Variants in SYNPR observed in about 807,000 individuals in gnomAD.
SYNPR encodes synaptoporin.
Under a neutral mutation model 32.9 loss-of-function variants are expected in SYNPR, and 23 were observed. The ratio of observed to expected loss-of-function variants is 0.70; its 90% CI spans 0.50 to 0.99. SYNPR has a LOEUF of 0.99. SYNPR is among the 50% of genes least tolerant of loss of function. SYNPR has a pLI of 0.00. For synonymous variants in SYNPR, 146 were observed against 135.9 expected, an observed-to-expected ratio of 1.07 and a Z score of -0.52; for missense variants, 318 against 349.3, an observed-to-expected ratio of 0.91 and a Z score of 0.71.
chr3:63,433,103 G>A (rs1169301935), intron 2 of SYNPR, among the ~76,000 whole-genome samples: 1 of 152,180 alleles, frequency 6.6e-6, no homozygotes, highest in African/African-American at 2.4e-5. Flanking sequence ...AGTATTGCGT[G>A]TTATAACAGA....
chr3:63,576,879 G>C (rs1702991502), intron 4 of SYNPR, among the ~76,000 whole-genome samples: 1 of 151,958 alleles, frequency 6.6e-6, no homozygotes, highest in African/African-American at 2.4e-5. Flanking sequence ...TAAACATGTT[G>C]ACCAGGACAA....
chr3:63,509,531 C>T (rs746060056), intron 3 of SYNPR, among the ~76,000 whole-genome samples: 2 of 151,794 alleles, frequency 1.3e-5, no homozygotes, highest in South Asian at 2.1e-4. Context: ...AGATATACAG[C>T]GTACACACAT....
intron 4 of SYNPR, among the ~76,000 whole-genome samples, chr3:63,571,535 C>T (rs1011059220): frequency 5.9e-5 from 9 of 151,918 alleles, no homozygotes; most frequent in African/African-American, 2.2e-4. Flanking sequence ...TAACAGCCAA[C>T]CTTTTAAAGA....
chr3:63,311,848 A>G (rs773241204), intron 2 of SYNPR, among the ~76,000 whole-genome samples: 9 of 151,990 alleles, frequency 5.9e-5, no homozygotes, highest in Non-Finnish European at 1.3e-4. Context: ...TAAATTTAAT[A>G]CCCTATTGAA....
the SYNPR span, among the ~76,000 whole-genome samples, chr3:63,219,377 C>T: frequency 6.6e-6 from 1 of 152,178 alleles, no homozygotes; most frequent in African/African-American, 2.4e-5. Context: ...CAGCTGTCAT[C>T]AGGTTATGCT....
At chr3:63,540,131 T>G (rs1702272995) in intron 3 of SYNPR, among the ~76,000 whole-genome samples, 1 of 152,188 alleles carries the variant, frequency 6.6e-6, no homozygotes, top group Non-Finnish European at 1.5e-5. Flanking sequence ...ACTTATTATG[T>G]GCCAGGCATG....
chr3:63,588,375 T>C (rs1467799204), intron 4 of SYNPR, among the ~76,000 whole-genome samples: 1 of 152,090 alleles, frequency 6.6e-6, no homozygotes. Context: ...TTCCTCCAGA[T>C]GTTTCATCTA....
At chr3:63,334,392 G>T (rs1387455846) in intron 2 of SYNPR, among the ~76,000 whole-genome samples, 2 of 152,174 alleles carry the variant, frequency 1.3e-5, no homozygotes, top group African/African-American at 2.4e-5. Context: ...GGTGAAGGTT[G>T]CTTGCCTTGG....
chr3:63,445,661 C>CTTTTTA (rs1349802508), intron 2 of SYNPR: 1 of 577,918 alleles, frequency 1.7e-6, no homozygotes, highest in Non-Finnish European at 3.1e-6. Context: ...TCTATGAGGG[C>CTTTTTA]CATAACATTA....
At chr3:63,559,793 C>T (rs1195818416) in intron 4 of SYNPR, among the ~76,000 whole-genome samples, 1 of 151,864 alleles carries the variant, frequency 6.6e-6, no homozygotes, top group Non-Finnish European at 1.5e-5. Flanking sequence ...GGCTTATCCC[C>T]ACCATGATGT....
At chr3:63,472,692 A>G (rs867607777) in intron 2 of SYNPR, among the ~76,000 whole-genome samples, 14 of 152,154 alleles carry the variant, frequency 9.2e-5, no homozygotes, top group Middle Eastern at 3.2e-3. Flanking sequence ...TGTCTGGGGA[A>G]GTAAGACACT....
chr3:63,528,634 T>G (rs77091959), intron 3 of SYNPR, among the ~76,000 whole-genome samples: 6 of 74,720 alleles, frequency 8.0e-5, no homozygotes, highest in Non-Finnish European at 1.7e-4. Flanking sequence ...AGAAGATGCA[T>G]TTTTTTTTTA....
At chr3:63,485,473 G>A (rs527282170) in intron 3 of SYNPR, among the ~76,000 whole-genome samples, 14 of 152,126 alleles carry the variant, frequency 9.2e-5, no homozygotes, top group Non-Finnish European at 1.9e-4. Context: ...AAAAGCCATC[G>A]AATATAGTTA....
intron 3 of SYNPR, among the ~76,000 whole-genome samples, chr3:63,530,228 G>A (rs1702086688): frequency 6.6e-6 from 1 of 152,120 alleles, no homozygotes; most frequent in African/African-American, 2.4e-5. Context: ...ATTTTTCACT[G>A]GGCCCAGCAA....
chr3:63,615,541 G>C lies in SYNPR; in HGVS notation c.*60G>C. 1 of 1,563,062 alleles carries C rather than the reference G, an allele frequency of 6.4e-7. No individual in the cohort carries two copies. Among genetic ancestry groups the C allele is most frequent in the African/African-American group, 1.4e-5 (1 of 73,080 alleles). ...ACCATCTTCCATTTCAGTGGCAGAA[G>C]AATTTTTTAAGGGTTTCAATCAATT... On this transcript the variant is annotated 3_prime_UTR_variant, in exon 6 of 6. Coordinates refer to ENST00000478300, the MANE Select transcript of SYNPR (RefSeq NM_001130003.2).
chr3:63,465,530 A>T (rs1162455490), intron 2 of SYNPR, among the ~76,000 whole-genome samples: 2 of 152,254 alleles, frequency 1.3e-5, no homozygotes, highest in Admixed American at 6.5e-5. Flanking sequence ...TCTTAATTTT[A>T]AAAAATTTTA....
chr3:63,367,648 T>C (rs2087743721), intron 2 of SYNPR, among the ~76,000 whole-genome samples: 1 of 152,148 alleles, frequency 6.6e-6, no homozygotes, highest in African/African-American at 2.4e-5. Flanking sequence ...GTGTGAGCTA[T>C]TGCATCTGGC....
intron 2 of SYNPR, among the ~76,000 whole-genome samples, chr3:63,411,090 C>T (rs982312102): frequency 3.3e-5 from 5 of 152,140 alleles, no homozygotes; most frequent in African/African-American, 7.2e-5. Context: ...GCTTCTGCTT[C>T]TTTAAGTAAA....
rs1199560096 is a variant in SYNPR, at chr3:63,522,903, G to T, written c.210-33640G>T. Among the ~76,000 whole-genome samples, 4 of 152,136 alleles carry T rather than the reference G, an allele frequency of 2.6e-5. No homozygotes were observed. In the East Asian group the frequency reaches 7.7e-4, roughly 29 times the overall value. On this transcript the variant is annotated intron_variant, in intron 3 of 5. Transcript: ENST00000478300. Reference sequence around the variant, plus strand: ...TAAGAGCACAGGATGCTCTTGGAGGGCTCTAGAAGGGAAGTGACAGACTCT... The same window carrying T: ...TAAGAGCACAGGATGCTCTTGGAGGTCTCTAGAAGGGAAGTGACAGACTCT...
Sources: gnomAD v4.1 joint callset for allele counts (sites outside exome capture counted in the v4.1 genomes callset) on GRCh38, gnomAD v4.1.1 for gene constraint, MANE v1.5 for transcripts, NCBI Gene and HGNC (gene_info 2026-07-23, HGNC 2026-07-21) for gene names.